Variants in ATG2B observed in about 807,000 individuals in gnomAD.
ATG2B encodes autophagy-related protein 2 homolog B.
Under a neutral mutation model 241.3 loss-of-function variants are expected in ATG2B, and 121 were observed. The observed-to-expected ratio is 0.50, with a 90% CI of 0.43 to 0.58. The LOEUF (loss-of-function observed/expected upper bound fraction) is 0.58, where lower values mean the gene tolerates loss of function less well. Among genes scored for constraint, ATG2B ranks in the 20% least tolerant of loss-of-function variants. The pLI is 0.00. For missense variants in ATG2B, 2,306 were observed against 2,491.6 expected, an observed-to-expected ratio of 0.93 and a Z score of 1.59; for synonymous variants, 858 against 876.6, an observed-to-expected ratio of 0.98 and a Z score of 0.37.
chr14:96,321,058 G>A (rs377551261), intron 18 of ATG2B, among the ~76,000 whole-genome samples: 1 of 152,008 alleles, frequency 6.6e-6, no homozygotes, highest in Non-Finnish European at 1.5e-5. Context: ...TCCTATACCA[G>A]AGTGGACTGT....
chr14:96,328,102 G>A (rs139847240), intron 14 of ATG2B, among the ~76,000 whole-genome samples: 110 of 152,154 alleles, frequency 7.2e-4, no homozygotes, highest in African/African-American at 2.6e-3. Flanking sequence ...GGTGTGAGCC[G>A]CCACGCCTGG....
chr14:96,304,318 C>T (rs1886872884), intron 32 of ATG2B, among the ~76,000 whole-genome samples, 177 bp downstream of exon 32: 1 of 152,234 alleles, frequency 6.6e-6, no homozygotes, highest in Admixed American at 6.5e-5. Flanking sequence ...AAAAACACCT[C>T]AGTCTTCTTA....
intron 27 of ATG2B, 94 bp from the exon 28 acceptor site, chr14:96,311,381 T>C: frequency 3.1e-6 from 4 of 1,289,304 alleles, no homozygotes; most frequent in Non-Finnish European, 4.3e-6. Flanking sequence ...AGATTCATGA[T>C]AATCTGTCTC....
intron 1 of ATG2B, among the ~76,000 whole-genome samples, chr14:96,360,653 T>C (rs1201139942): frequency 6.6e-6 from 1 of 152,212 alleles, no homozygotes; most frequent in African/African-American, 2.4e-5. Flanking sequence ...AGGAATGTCA[T>C]TGCTGAGTTC....
rs771044543 is a variant in ATG2B at position 96,289,665 on chromosome 14, A to G, written c.5997T>C (p.Val1999=). 1 of 1,614,132 alleles carries G rather than the reference A, an allele frequency of 6.2e-7. No homozygotes were observed. The change falls in exon 41 of 42, where the codon GTT becomes GTC. Residue 1999 remains valine, a synonymous_variant. Transcript: ENST00000359933. This position sits in a 1 kb window ranked among gnomAD's most constrained non-coding sequence, Gnocchi z 4.3. ...CCAAGTATTCAGTTACCTCTTTCAC[A>G]ACACTGTAGGCCTTGGCCACACCTT... The part of the protein sequence containing the change: ...LREGVAKAYS[V]VKEGITDTAQ...
At chr14:96,358,723 G>A (rs1888544704) in intron 1 of ATG2B, among the ~76,000 whole-genome samples, 2 of 151,710 alleles carry the variant, frequency 1.3e-5, no homozygotes, top group African/African-American at 4.8e-5. Context: ...TTCCACACCA[G>A]TCCTATGAAG....
At position 96,282,398 on chromosome 14, in the gene ATG2B, A is replaced by G. The variant is rs755199364; in HGVS notation, c.*3357T>C. ...CTCTCTGAAGTCTTAAGGAGGTCAA[A>G]AGTAATGAAGGAAAACAGAAGGGGA... On this transcript the variant is annotated 3_prime_UTR_variant, in exon 42 of 42. Transcript: ENST00000359933. The G allele has an allele frequency of 1.3e-5, 2 of 152,276 alleles. No individual in the cohort carries two copies. Among genetic ancestry groups the G allele is most frequent in the African/African-American group, 2.4e-5 (1 of 41,478 alleles). 9.4% of individuals were successfully genotyped at this position (152,276 alleles called of 1,614,324 possible). A position where few individuals can be genotyped will look rare whatever the true frequency, so the allele number is the denominator to read the frequency against.
At chr14:96,304,933 T>A (rs1886895838) in intron 31 of ATG2B, among the ~76,000 whole-genome samples, 1 of 152,188 alleles carries the variant, frequency 6.6e-6, no homozygotes. Context: ...TTGGAAACCC[T>A]TTATAGTCAG....
chr14:96,307,896 C>G (rs1886997179), intron 29 of ATG2B, among the ~76,000 whole-genome samples: 1 of 151,960 alleles, frequency 6.6e-6, no homozygotes, highest in Non-Finnish European at 1.5e-5. Context: ...TTAAGAGTCA[C>G]TCATTCTTTT....
intron 28 of ATG2B, among the ~76,000 whole-genome samples, 196 bp from the exon 29 acceptor site, chr14:96,309,790 A>T (rs1382741119): frequency 6.6e-6 from 1 of 152,222 alleles, no homozygotes; most frequent in Non-Finnish European, 1.5e-5. Flanking sequence ...GGCAAAGAGC[A>T]ATAAATGTGT....
At position 96,325,811 on chromosome 14, in the gene ATG2B, G is replaced by A. The variant is rs1405326325; in HGVS notation, c.2275C>T (p.Pro759Ser). 3.1e-6 allele frequency: 5 copies of A among 1,614,004 alleles called. No homozygotes were observed. In the Middle Eastern group the frequency reaches 5.0e-4, roughly 160 times the overall value. The change falls in exon 15 of 42, where the codon CCT becomes TCT. Residue 759 changes from proline to serine, a missense_variant. This residue lies in a region of ATG2B where 1,927 missense variants were observed against 2,011.2 expected (regional missense o/e 0.96). Coordinates refer to ENST00000359933, the MANE Select transcript of ATG2B (RefSeq NM_018036.7). ...CTTTCTTGATCAGATCGAAGATCAG[G>A]TATTGGGAAGCGAACAGAAAGGTTT... The part of the protein sequence containing the change: ...ALNLSVRFPI[P>S]DLRSDQERGP...
rs1222274317 is a variant in ATG2B at position 96,289,646 on chromosome 14, A to T, written c.6006+10T>A. 6.2e-7 allele frequency: 1 copy of T among 1,613,972 alleles called. No individual in the cohort carries two copies. The highest frequency in any genetic ancestry group is 8.5e-7 in the Non-Finnish European group (1 of 1,179,924). ...AGGGTTCTGATGTGTCCACCCAAGT[A>T]TTCAGTTACCTCTTTCACAACACTG... On this transcript the variant is annotated intron_variant, in intron 41 of 41. Coordinates refer to ENST00000359933, the MANE Select transcript of ATG2B (RefSeq NM_018036.7). This position sits in a 1 kb window ranked among gnomAD's most constrained non-coding sequence, Gnocchi z 4.3.
chr14:96,308,456 C>G (rs1389611419), intron 29 of ATG2B, among the ~76,000 whole-genome samples: 1 of 132,996 alleles, frequency 7.5e-6, no homozygotes, highest in African/African-American at 2.8e-5. Flanking sequence ...CATCCCACAT[C>G]TAGCTTTTTT....
rs1469302364 is a variant in ATG2B at position 96,309,486 on chromosome 14, G to C, written c.4270C>G (p.Gln1424Glu). The change falls in exon 29 of 42, where the codon CAA (glutamine) becomes GAA (glutamate). Residue 1424 changes from glutamine to glutamate, a missense_variant. Around this residue, in one of 2 missense-constraint regions of ATG2B, gnomAD observed 1,927 missense variants for 2,011.2 expected, o/e 0.96. Coordinates refer to ENST00000359933, the MANE Select transcript of ATG2B (RefSeq NM_018036.7). The stretch of plus-strand genomic sequence containing the variant: ...TGTGGTTTTACTGACGAGGTGCCTT[G>C]TTGCATGTCGATCTCCTCCATAGCA... ...SDAMEEIDMQ[Q>E]GTSSVKPQAN... 1 of 1,613,926 alleles carries C rather than the reference G, an allele frequency of 6.2e-7. No homozygotes were observed. Among genetic ancestry groups the C allele is most frequent in the Admixed American group, 1.7e-5 (1 of 59,990 alleles).
chr14:96,354,605 T>C lies in ATG2B; in HGVS notation c.163-7264A>G, dbSNP rs144572632. On this transcript the variant is annotated intron_variant, in intron 1 of 41. Coordinates refer to ENST00000359933, the MANE Select transcript of ATG2B (RefSeq NM_018036.7). ...CATAAGCGTGCATATATCTTTATAA[T>C]AGAACAATTTATATTCCTTTGGGTA... 1.3e-3 allele frequency among the ~76,000 whole-genome samples: 197 copies of C among 152,362 alleles called. 1 individual carries two copies. Among genetic ancestry groups the C allele is most frequent in the African/African-American group, 3.5e-3 (144 of 41,592 alleles).
chr14:96,287,399 C>T (rs1426439682), intron 41 of ATG2B, among the ~76,000 whole-genome samples: 18 of 152,148 alleles, frequency 1.2e-4, no homozygotes, highest in Admixed American at 1.2e-3. Context: ...GCACCATCTC[C>T]CTCCCCTCTC....
intron 1 of ATG2B, among the ~76,000 whole-genome samples, chr14:96,348,173 G>A (rs2139900765): frequency 6.6e-6 from 1 of 152,242 alleles, no homozygotes; most frequent in South Asian, 2.1e-4. Context: ...ATAAGATCCT[G>A]TCATTTGCAA....
At position 96,316,746 on chromosome 14, in the gene ATG2B, C is replaced by A. The variant is rs1351407787; in HGVS notation, c.3211-63G>T. On this transcript the variant is annotated intron_variant, in intron 20 of 41. Transcript: ENST00000359933. ...TAAATGCAGAAAAGTAAGCATGTTC[C>A]TTGAGATGCTCTTTGTTGATTCAGC... The A allele has an allele frequency of 5.0e-6, 7 of 1,407,336 alleles. 1 individual carries two copies. The South Asian group carries it at 7.6e-5, about 15-fold the overall frequency. 87.2% of individuals were successfully genotyped at this position (1,407,336 alleles called of 1,614,324 possible).
Position 96,305,713 on chromosome 14 carries a change from C to G in ATG2B, c.4609G>C (p.Ala1537Pro). 6.2e-7 allele frequency: 1 copy of G among 1,614,166 alleles called. No individual in the cohort carries two copies. Among genetic ancestry groups the G allele is most frequent in the Non-Finnish European group, 8.5e-7 (1 of 1,180,002 alleles). Residue 1537 changes from alanine (A) to proline (P), a missense_variant, in exon 31 of 42, where the codon GCC (alanine) becomes CCC (proline). Ala to Pro is a conservative substitution (Grantham distance 27). This residue lies in a region of ATG2B where 1,927 missense variants were observed against 2,011.2 expected (regional missense o/e 0.96). Transcript: ENST00000359933. ...ACAGGAATGGGAAAGTGTAAGGGGG[C>G]TTTGCTCGTATCGGTCTTATTAACG... The part of the protein sequence containing the change: ...LPVNKTDTSK[A>P]PLHFPIPVIR...
Sources: allele counts gnomAD v4.1 joint callset (sites outside exome capture counted in the v4.1 genomes callset), GRCh38; gene constraint gnomAD v4.1.1; regional missense constraint gnomAD v4.1.1; non-coding constraint Gnocchi (gnomAD v3.1); transcripts MANE v1.5; gene names NCBI Gene and HGNC (gene_info 2026-07-23, HGNC 2026-07-21).